EYA4: variants seen among roughly 807,000 people sequenced by gnomAD.
EYA4 encodes the protein protein phosphatase EYA4.
A neutral mutation model predicts 87.9 loss-of-function variants in EYA4; 31 were observed. The observed-to-expected ratio is 0.35, with a 90% CI of 0.27 to 0.48. EYA4 has a LOEUF of 0.48. EYA4 is among the 20% of genes least tolerant of loss of function. EYA4 has a pLI of 0.99. For missense variants in EYA4, 678 were observed against 761.4 expected (o/e 0.89, Z 1.29); for synonymous variants, 263 against 270.6 (o/e 0.97, Z 0.28).
chr6:133,430,547 A>AT (rs1791095616), intron 3 of EYA4, among the ~76,000 whole-genome samples: 1 of 152,184 alleles, frequency 6.6e-6, no homozygotes, highest in African/African-American at 2.4e-5. Flanking sequence ...AATATTAGAG[A>AT]TTCTCCATCA....
At chr6:133,384,073 A>G (rs935010406) in intron 3 of EYA4, among the ~76,000 whole-genome samples, 9 of 152,190 alleles carry the variant, frequency 5.9e-5, no homozygotes, top group Admixed American at 5.9e-4. Context: ...TCATATCAAA[A>G]TTTTTTAGCT....
chr6:133,391,942 C>A (rs568064750), intron 3 of EYA4, among the ~76,000 whole-genome samples: 2 of 152,272 alleles, frequency 1.3e-5, no homozygotes, highest in South Asian at 4.2e-4. Context: ...TGCACTCCCC[C>A]CTTTCCTAAT....
At chr6:133,461,057 T>C (rs1032044728) in intron 6 of EYA4, 57 bp from the exon 7 acceptor site, 74 of 1,086,772 alleles carry the variant, frequency 6.8e-5, no homozygotes, top group Admixed American at 5.1e-5. Flanking sequence ...ATGTACACTC[T>C]AGTGAAATGT....
At chr6:133,465,670 G>A (rs755989303) in intron 10 of EYA4, among the ~76,000 whole-genome samples, 4 of 152,140 alleles carry the variant, frequency 2.6e-5, no homozygotes, top group Non-Finnish European at 4.4e-5. Context: ...GTTAGTGGCT[G>A]ACTTCTGGTC....
chr6:133,523,001 A>G, intron 17 of EYA4, 55 bp from the exon 18 acceptor site: 1 of 1,466,100 alleles, frequency 6.8e-7, no homozygotes. Context: ...TTTTAAATCT[A>G]TTAGAAGTTA....
At chr6:133,287,901 G>A (rs1315537758) in intron 2 of EYA4, among the ~76,000 whole-genome samples, 4 of 152,074 alleles carry the variant, frequency 2.6e-5, no homozygotes, top group Admixed American at 2.0e-4. Context: ...TTGGGAGGCC[G>A]AGGTGGGCGG....
chr6:133,495,935 T>C (rs1249844667), intron 13 of EYA4, among the ~76,000 whole-genome samples: 2 of 152,210 alleles, frequency 1.3e-5, no homozygotes, highest in African/African-American at 4.8e-5. Context: ...AACATGTTAA[T>C]TAATAGTCTT....
rs112204516 is a variant in EYA4, at chr6:133,323,264, T to C, written c.33+48451T>C. Among the ~76,000 whole-genome samples the C allele has an allele frequency of 9.1e-3, 1,390 of 152,214 alleles. 22 individuals carry two copies. Among genetic ancestry groups the C allele is most frequent in the African/African-American group, 0.03 (1,265 of 41,546 alleles). On this transcript the variant is annotated intron_variant, in intron 2 of 19. Transcript: ENST00000355286. ...AAGAAGAGCCATCTCATCTTTTGTT[T>C]GTTAGAGGGTTTCAATTATTTAATA...
chr6:133,528,806 C>T lies in EYA4; in HGVS notation c.*1C>T, dbSNP rs1800836014. On this transcript the variant is annotated 3_prime_UTR_variant, in exon 20 of 20. Transcript: ENST00000355286. Reference sequence around the variant, plus strand: ...AGCACTGGAATTAGAGTATTTGTAACTGTGTTCTTTAGCCGGAGATCCATT... The same window carrying T: ...AGCACTGGAATTAGAGTATTTGTAATTGTGTTCTTTAGCCGGAGATCCATT... 1 of 1,613,360 alleles carries T rather than the reference C, an allele frequency of 6.2e-7. No homozygotes were observed. The highest frequency in any genetic ancestry group is 1.7e-5 in the Admixed American group (1 of 59,978).
chr6:133,334,831 A>T (rs1782243473), intron 2 of EYA4, among the ~76,000 whole-genome samples: 1 of 152,212 alleles, frequency 6.6e-6, no homozygotes, highest in Non-Finnish European at 1.5e-5. Context: ...CTATATAAAG[A>T]ATATTTTATG....
At chr6:133,340,297 CA>C (rs1782685167) in intron 2 of EYA4, among the ~76,000 whole-genome samples, 1 of 152,128 alleles carries the variant, frequency 6.6e-6, no homozygotes. Context: ...TGTTCTTTGC[CA>C]AATTGATTTT....
rs567579271 is a variant in EYA4 at position 133,380,012 on chromosome 6, A to G, written c.34-2380A>G. ...ACTTCTTGACACTGAAATACCTACT[A>G]TTTCCCACATACAGTCTCTGAAGAC... is the stretch of plus-strand genomic sequence containing the variant. On this transcript the variant is annotated intron_variant, in intron 2 of 19. Coordinates refer to ENST00000355286, the MANE Select transcript of EYA4 (RefSeq NM_004100.5). 2.1e-3 allele frequency among the ~76,000 whole-genome samples: 326 copies of G among 152,142 alleles called. 1 individual carries two copies. Among genetic ancestry groups the G allele is most frequent in the African/African-American group, 7.7e-3 (319 of 41,502 alleles).
At chr6:133,319,260 A>G (rs1240389177) in intron 2 of EYA4, among the ~76,000 whole-genome samples, 1 of 152,258 alleles carries the variant, frequency 6.6e-6, no homozygotes, top group Non-Finnish European at 1.5e-5. Context: ...AGAGAATTTC[A>G]GAACAAGGCA....
intron 3 of EYA4, among the ~76,000 whole-genome samples, chr6:133,388,432 A>G (rs1383124756): frequency 6.6e-6 from 1 of 151,470 alleles, no homozygotes; most frequent in African/African-American, 2.4e-5. Context: ...GTCTCAAAAC[A>G]TAGACTATTG....
chr6:133,424,160 C>T (rs1170592293), intron 3 of EYA4, among the ~76,000 whole-genome samples: 3 of 152,200 alleles, frequency 2.0e-5, no homozygotes, highest in Admixed American at 1.3e-4. Flanking sequence ...TTGCCCCCTT[C>T]GGCCATCCTC....
At chr6:133,284,321 A>T (rs2128286361) in intron 2 of EYA4, among the ~76,000 whole-genome samples, 1 of 152,268 alleles carries the variant, frequency 6.6e-6, no homozygotes, top group African/African-American at 2.4e-5. Flanking sequence ...CTACAGGTGC[A>T]CACTACCACA....
chr6:133,292,598 A>G (rs1458345192), intron 2 of EYA4, among the ~76,000 whole-genome samples: 6 of 152,216 alleles, frequency 3.9e-5, no homozygotes, highest in Non-Finnish European at 5.9e-5. Context: ...CATTTATACA[A>G]GGAAATTGGG....
intron 2 of EYA4, among the ~76,000 whole-genome samples, chr6:133,371,444 G>A (rs1420694239): frequency 5.3e-5 from 8 of 152,006 alleles, no homozygotes; most frequent in Admixed American, 1.3e-4. Flanking sequence ...CTTATTTTGC[G>A]TTTTGTTTGT....
intron 2 of EYA4, among the ~76,000 whole-genome samples, chr6:133,307,666 A>C (rs1779909248): frequency 1.3e-5 from 2 of 152,182 alleles, no homozygotes; most frequent in Admixed American, 1.3e-4. Context: ...AGTGATAGTT[A>C]CTGAGGCCTT....
Sources: allele counts gnomAD v4.1 joint callset (sites outside exome capture counted in the v4.1 genomes callset), GRCh38; gene constraint gnomAD v4.1.1; transcripts MANE v1.5; gene names NCBI Gene and HGNC (gene_info 2026-07-23, HGNC 2026-07-21).